Variants in DPP10 observed in about 807,000 individuals in gnomAD.
The protein encoded by DPP10 is dipeptidyl peptidase like 10, also known as inactive dipeptidyl peptidase 10.
In DPP10, 33 loss-of-function variants were observed where a neutral mutation model predicts 120.9. The observed-to-expected ratio is 0.27, with a 90% CI of 0.21 to 0.37. The LOEUF (loss-of-function observed/expected upper bound fraction) is 0.37, where lower values mean the gene tolerates loss of function less well. Among genes scored for constraint, DPP10 ranks in the 10% least tolerant of loss-of-function variants. The pLI is 1.00. For synonymous variants in DPP10, 337 were observed against 326.1 expected, an observed-to-expected ratio of 1.03 and a Z score of -0.36; for missense variants, 816 against 942.8, an observed-to-expected ratio of 0.87 and a Z score of 1.76.
chr2:115,309,656 A>T (rs752109386), intron 2 of DPP10, among the ~76,000 whole-genome samples: 7 of 152,102 alleles, frequency 4.6e-5, no homozygotes, highest in Non-Finnish European at 8.8e-5. Context: ...AATGCAGAAG[A>T]CATTTGACTT....
At chr2:115,684,109 T>C (rs978862626) in intron 5 of DPP10, among the ~76,000 whole-genome samples, 1 of 151,928 alleles carries the variant, frequency 6.6e-6, no homozygotes, top group Non-Finnish European at 1.5e-5. Context: ...TATTTTGAAG[T>C]AGTTTAAAAT....
chr2:114,903,397 C>T (rs926652269), intron 1 of DPP10, among the ~76,000 whole-genome samples: 18 of 152,264 alleles, frequency 1.2e-4, no homozygotes, highest in African/African-American at 4.3e-4. Context: ...TGCATTCCCA[C>T]CAGTAATGAA....
chr2:114,995,599 G>GTA (rs1336891166), intron 1 of DPP10, among the ~76,000 whole-genome samples: 1 of 152,124 alleles, frequency 6.6e-6, no homozygotes, highest in East Asian at 1.9e-4. Flanking sequence ...CTTTGCAAGA[G>GTA]TATAAAAAAT....
At chr2:114,856,490 T>A (rs1021071260) in intron 1 of DPP10, among the ~76,000 whole-genome samples, 1 of 152,158 alleles carries the variant, frequency 6.6e-6, no homozygotes, top group African/African-American at 2.4e-5. Context: ...TACTAAAAAT[T>A]AGAAATATTC....
At chr2:115,287,598 C>T (rs945281184) in intron 1 of DPP10, among the ~76,000 whole-genome samples, 2 of 152,098 alleles carry the variant, frequency 1.3e-5, no homozygotes, top group Admixed American at 1.3e-4. Context: ...TCCAGTTCTA[C>T]TCAAGTTGCG....
At chr2:114,907,956 GT>G (rs760362087) in intron 1 of DPP10, among the ~76,000 whole-genome samples, 2 of 151,568 alleles carry the variant, frequency 1.3e-5, no homozygotes, top group African/African-American at 4.8e-5. Context: ...TATTTTGTCA[GT>G]TTTTTTAAAT....
rs181203819 is a variant in DPP10 at position 114,547,194 on chromosome 2, A to G, written c.60+104356A>G. ...TTTTACTTTCGAATTTGTGGTTCAT[A>G]AGTGAAGCCCAATGGGACGCTGGAG... is the stretch of plus-strand genomic sequence containing the variant. On this transcript the variant is annotated intron_variant, in intron 1 of 25. Transcript: ENST00000410059. Among the ~76,000 whole-genome samples the G allele has an allele frequency of 5.9e-5, 9 of 152,350 alleles. No homozygotes were observed. The East Asian group carries it at 1.7e-3, about 29-fold the overall frequency.
In DPP10 at chr2:115,743,771, T is replaced by C. The variant is rs1262073578; in HGVS notation, c.853-2315T>C. ...CAAAATAAGACAAATAAAATGATAC[T>C]TGAGAATCTTTAGCATGTGCTCATA... On this transcript the variant is annotated intron_variant, in intron 9 of 25. Transcript: ENST00000410059. Among the ~76,000 whole-genome samples the C allele has an allele frequency of 2.0e-5, 3 of 150,696 alleles. No homozygotes were observed. The Admixed American group carries it at 2.1e-4, about 11-fold the overall frequency.
At chr2:114,769,427 C>A (rs910474318) in intron 1 of DPP10, among the ~76,000 whole-genome samples, 1 of 152,132 alleles carries the variant, frequency 6.6e-6, no homozygotes, top group Non-Finnish European at 1.5e-5. Flanking sequence ...ACCCTCAAAT[C>A]CTCCATCCTC....
intron 1 of DPP10, among the ~76,000 whole-genome samples, chr2:115,260,960 C>G (rs1158237393): frequency 6.6e-6 from 1 of 152,128 alleles, no homozygotes; most frequent in Non-Finnish European, 1.5e-5. Context: ...TGTGTCAAAA[C>G]CATAATTAGT....
chr2:114,728,583 A>G (rs1676575484), intron 1 of DPP10, among the ~76,000 whole-genome samples: 1 of 152,190 alleles, frequency 6.6e-6, no homozygotes, highest in African/African-American at 2.4e-5. Context: ...TGACTTCTGC[A>G]AGCCAGGTCT....
chr2:115,088,471 C>T (rs919232254), intron 1 of DPP10, among the ~76,000 whole-genome samples: 6 of 151,738 alleles, frequency 4.0e-5, no homozygotes, highest in East Asian at 1.9e-4. Context: ...CTTTGAGAGA[C>T]GGGGTCTTGC....
Position 115,651,862 on chromosome 2 carries a change from C to T in DPP10, c.442-37825C>T, listed in dbSNP as rs577855342. On this transcript the variant is annotated intron_variant, in intron 5 of 25. Transcript: ENST00000410059. ...ACCAACAGTGACATGCTTAATTCTT[C>T]AAGTTGCCACACTCAACTGAATTGA... Among the ~76,000 whole-genome samples the T allele has an allele frequency of 3.9e-5, 6 of 152,156 alleles. No homozygotes were observed. The South Asian group carries it at 8.3e-4, about 21-fold the overall frequency.
chr2:114,740,283 C>T (rs1677897672), intron 1 of DPP10, among the ~76,000 whole-genome samples: 1 of 147,894 alleles, frequency 6.8e-6, no homozygotes, highest in Admixed American at 6.9e-5. Flanking sequence ...CGCATGTTCT[C>T]ACTCACAGGT....
At chr2:114,738,370 G>A (rs896176573) in intron 1 of DPP10, among the ~76,000 whole-genome samples, 1 of 152,208 alleles carries the variant, frequency 6.6e-6, no homozygotes, top group African/African-American at 2.4e-5. Flanking sequence ...GGGAGCCTGA[G>A]TGCACTTTAC....
At chr2:115,490,993 C>G (rs1470667698) in intron 3 of DPP10, among the ~76,000 whole-genome samples, 2 of 152,142 alleles carry the variant, frequency 1.3e-5, no homozygotes, top group Non-Finnish European at 2.9e-5. Flanking sequence ...TGACTCACAC[C>G]TGTAGTCTCA....
chr2:114,567,441 G>C (rs911476613), intron 1 of DPP10, among the ~76,000 whole-genome samples: 13 of 152,086 alleles, frequency 8.5e-5, no homozygotes, highest in African/African-American at 2.9e-4. Context: ...GTTTTAAGAG[G>C]GAGGCAAGAA....
intron 1 of DPP10, among the ~76,000 whole-genome samples, chr2:114,593,248 C>T (rs1050753558): frequency 4.6e-5 from 7 of 152,068 alleles, no homozygotes; most frequent in African/African-American, 1.2e-4. Context: ...AAAATTAGAA[C>T]GGTAATATAG....
At chr2:115,665,064 T>A (rs1190660959) in intron 5 of DPP10, among the ~76,000 whole-genome samples, 1 of 152,190 alleles carries the variant, frequency 6.6e-6, no homozygotes, top group Admixed American at 6.5e-5. Flanking sequence ...TAAATGCTAA[T>A]TTGTATTTTT....
Sources: gnomAD v4.1 joint callset for allele counts (sites outside exome capture counted in the v4.1 genomes callset) on GRCh38, gnomAD v4.1.1 for gene constraint, MANE v1.5 for transcripts, NCBI Gene and HGNC (gene_info 2026-07-23, HGNC 2026-07-21) for gene names.